The following RASSF8 variants were observed in gnomAD, a reference collection of about 807,000 sequenced individuals.
The protein encoded by RASSF8 is Ras association domain family member 8.
RASSF8 carries 22 observed loss-of-function variants against 48.5 expected under a neutral mutation model. That is an observed-to-expected ratio of 0.45 (90% CI 0.32 to 0.65). The LOEUF is 0.65. Among genes scored for constraint, RASSF8 ranks in the 30% least tolerant of loss-of-function variants. The pLI, the probability that RASSF8 is intolerant of heterozygous loss-of-function variation, is 0.03. For missense variants in RASSF8, 418 were observed against 489.2 expected (o/e 0.85, Z 1.37); for synonymous variants, 127 against 171.5 (o/e 0.74, Z 2.03).
At chr12:26,008,639 A>C (rs1290618077) in intron 2 of RASSF8, among the ~76,000 whole-genome samples, 3 of 152,320 alleles carry the variant, frequency 2.0e-5, no homozygotes, top group Non-Finnish European at 4.4e-5. Context: ...TAACAGAGTA[A>C]TTTCTTATAG....
intron 1 of RASSF8, among the ~76,000 whole-genome samples, chr12:25,993,414 C>T (rs1020592792): frequency 9.9e-5 from 15 of 152,044 alleles, no homozygotes; most frequent in Admixed American, 9.8e-4. Context: ...TTCTTGAAAA[C>T]ACAACTAAAA....
intron 2 of RASSF8, among the ~76,000 whole-genome samples, chr12:26,047,979 C>CGTAAGG (rs570078298): frequency 3.8e-4 from 58 of 152,254 alleles, no homozygotes; most frequent in Admixed American, 3.7e-3. Context: ...AGGCAGATGC[C>CGTAAGG]GTAAGGGTCC....
chr12:26,021,594 G>C (rs1424800686), intron 2 of RASSF8: 1 of 152,244 alleles, frequency 6.6e-6, no homozygotes, highest in African/African-American at 2.4e-5. Flanking sequence ...TCTACCCCAG[G>C]TGTGGCAAGC....
At chr12:26,024,875 T>G (rs982302910) in intron 2 of RASSF8, among the ~76,000 whole-genome samples, 3 of 151,894 alleles carry the variant, frequency 2.0e-5, no homozygotes, top group African/African-American at 7.3e-5. Context: ...GAGAACAGCA[T>G]GAATCTGGGA....
intron 1 of RASSF8, among the ~76,000 whole-genome samples, chr12:25,969,670 T>C (rs1483227027): frequency 1.3e-5 from 2 of 152,074 alleles, no homozygotes; most frequent in Non-Finnish European, 2.9e-5. Context: ...TGGATCTGCT[T>C]TTCTTTCCAT....
At chr12:26,047,014 CTT>C (rs1943386035) in intron 2 of RASSF8, among the ~76,000 whole-genome samples, 1 of 152,158 alleles carries the variant, frequency 6.6e-6, no homozygotes, top group African/African-American at 2.4e-5. Flanking sequence ...CACATGAAGA[CTT>C]TGAGAGTGTG....
chr12:26,058,745 A>G (rs565769823), intron 3 of RASSF8, among the ~76,000 whole-genome samples: 27 of 152,260 alleles, frequency 1.8e-4, no homozygotes, highest in Non-Finnish European at 3.5e-4. Flanking sequence ...TGAATTAGCA[A>G]AGAGCTAGAA....
rs988612959 is a variant in RASSF8 at position 26,071,052 on chromosome 12, G to T, written c.*2234G>T. The T allele has an allele frequency of 2.0e-6, 2 of 984,486 alleles. No homozygotes were observed. Among genetic ancestry groups the T allele is most frequent in the African/African-American group, 1.8e-5 (1 of 57,142 alleles). The allele number at this position is 984,486 out of a possible 1,614,324, so 61.0% of individuals were successfully genotyped here. ...AATAATCTTCATAGACCTAATTACA[G>T]ATTTAAAAAAATTTCCTAGGCGACG... On this transcript the variant is annotated 3_prime_UTR_variant, in exon 6 of 6. Transcript: ENST00000689635.
chr12:26,066,079 TTTAAA>T (rs1229725180), intron 4 of RASSF8, among the ~76,000 whole-genome samples: 1 of 152,134 alleles, frequency 6.6e-6, no homozygotes, highest in East Asian at 1.9e-4. Flanking sequence ...GCTACTTAAA[TTTAAA>T]TTAAGATTAA....
chr12:26,041,094 T>A (rs2669561), intron 2 of RASSF8, among the ~76,000 whole-genome samples: 4 of 151,524 alleles, frequency 2.6e-5, no homozygotes, highest in South Asian at 2.1e-4. Flanking sequence ...GGGTTTCACC[T>A]TGTTAGCCAG....
In RASSF8 at chr12:26,071,046, A is replaced by C. The variant is rs1176310206; in HGVS notation, c.*2228A>C. 2 of 984,916 alleles carry C rather than the reference A, an allele frequency of 2.0e-6. No homozygotes were observed. Among genetic ancestry groups the C allele is most frequent in the East Asian group, 2.3e-4 (2 of 8,820 alleles). 61.0% of individuals were successfully genotyped at this position (984,916 alleles called of 1,614,324 possible). A position where few individuals can be genotyped will look rare whatever the true frequency, so the allele number is the denominator to read the frequency against. ...CTGCCAAATAATCTTCATAGACCTA[A>C]TTACAGATTTAAAAAAATTTCCTAG... On this transcript the variant is annotated 3_prime_UTR_variant, in exon 6 of 6. Coordinates refer to ENST00000689635, the MANE Select transcript of RASSF8 (RefSeq NM_001394098.1).
exon 6 of RASSF8, chr12:26,079,646 A>G (rs918046487): frequency 1.3e-5 from 2 of 152,156 alleles, no homozygotes; most frequent in African/African-American, 2.4e-5. Flanking sequence ...GCCAACAGGT[A>G]TATGAAAAAG....
intron 1 of RASSF8, among the ~76,000 whole-genome samples, chr12:25,967,048 C>A (rs997521941): frequency 3.9e-5 from 6 of 152,206 alleles, no homozygotes; most frequent in African/African-American, 1.4e-4. Context: ...TGCCTTTGCA[C>A]CCTTGTCAAA....
chr12:26,023,654 G>T (rs372503985), intron 2 of RASSF8, among the ~76,000 whole-genome samples: 1 of 150,724 alleles, frequency 6.6e-6, no homozygotes, highest in African/African-American at 2.4e-5. Context: ...ATTTGAATCC[G>T]CATTAAAAAC....
chr12:26,066,601 T>C (rs1462620369), intron 4 of RASSF8, among the ~76,000 whole-genome samples: 1 of 152,198 alleles, frequency 6.6e-6, no homozygotes, highest in East Asian at 1.9e-4. Context: ...GTGGAAGTTG[T>C]GTTGCTTTTG....
rs1187150655 is a variant in RASSF8 at position 26,069,858 on chromosome 12, C to G, written c.*1040C>G. The G allele has an allele frequency of 2.0e-6, 2 of 984,558 alleles. No individual in the cohort carries two copies. Among genetic ancestry groups the G allele is most frequent in the Non-Finnish European group, 2.4e-6 (2 of 829,318 alleles). The allele number at this position is 984,558 out of a possible 1,614,324, so 61.0% of individuals were successfully genotyped here. On this transcript the variant is annotated 3_prime_UTR_variant, in exon 6 of 6. Transcript: ENST00000689635. ...GGACCATTGTGGTTTCTTCCAGTCA[C>G]TTAGATGGAAAGGAGGTTAAACCTA...
chr12:26,074,824 G>C (rs1183722203), downstream of RASSF8, among the ~76,000 whole-genome samples: 2 of 152,190 alleles, frequency 1.3e-5, no homozygotes, highest in Non-Finnish European at 2.9e-5. Context: ...GCTGTAGCCA[G>C]ACAGTGAAGA....
intron 2 of RASSF8, among the ~76,000 whole-genome samples, chr12:26,023,680 C>CAA (rs565072890): frequency 6.8e-6 from 1 of 147,798 alleles, no homozygotes; most frequent in African/African-American, 2.5e-5. Flanking sequence ...AAACAAAAAA[C>CAA]AAAAAAAAAC....
At chr12:26,000,982 CTTTTTT>C (rs34793650) in intron 2 of RASSF8, among the ~76,000 whole-genome samples, 166 of 81,048 alleles carry the variant, frequency 2.0e-3, no homozygotes, top group South Asian at 4.8e-3. Context: ...TTAAAATTTC[CTTTTTT>C]TTTTTTTTTT....
Sources: allele counts gnomAD v4.1 joint callset (sites outside exome capture counted in the v4.1 genomes callset), GRCh38; gene constraint gnomAD v4.1.1; transcripts MANE v1.5; gene names NCBI Gene and HGNC (gene_info 2026-07-23, HGNC 2026-07-21).